Variants in STX5 observed in about 807,000 individuals in gnomAD.
STX5 encodes syntaxin-5.
STX5 carries 15 observed loss-of-function variants against 42.9 expected under a neutral mutation model. That is an observed-to-expected ratio of 0.35 (90% CI 0.23 to 0.54). STX5 has a LOEUF of 0.54. Ranked by LOEUF, STX5 falls within the 20% of genes least tolerant of loss-of-function variation. STX5 has a pLI of 0.91. For synonymous variants in STX5, 184 were observed against 173.2 expected (o/e 1.06, Z -0.49); for missense variants, 430 against 455.0 (o/e 0.95, Z 0.50).
chr11:62,822,536 A>G (rs1298605962), intron 10 of STX5, among the ~76,000 whole-genome samples: 3 of 152,046 alleles, frequency 2.0e-5, no homozygotes, highest in Non-Finnish European at 4.4e-5. Flanking sequence ...CTCATCAAAC[A>G]TATTGTCACC....
intron 10 of STX5, among the ~76,000 whole-genome samples, chr11:62,820,381 G>A (rs1291750231): frequency 6.6e-6 from 1 of 150,842 alleles, no homozygotes; most frequent in Non-Finnish European, 1.5e-5. Context: ...AAAAAAAAAA[G>A]GGCGGAATCT....
At position 62,808,122 on chromosome 11, in the gene STX5, CAG is replaced by C. The variant is rs535880068; in HGVS notation, c.909-496_909-495del. On this transcript the variant is annotated intron_variant, in intron 10 of 10. Coordinates refer to ENST00000294179, the MANE Select transcript of STX5 (RefSeq NM_003164.5). ...AAACATAATGACACGGACAGGAAAT[CAG>C]GGGATAAAAAAAGCTCTATGGCCAA... 7.0e-3 allele frequency: 1,100 copies of C among 156,102 alleles called. 8 individuals carry two copies. The highest frequency in any genetic ancestry group is 0.011 in the Non-Finnish European group (743 of 70,220). The allele number at this position is 156,102 out of a possible 1,614,324, so 9.7% of individuals were successfully genotyped here. A position where few individuals can be genotyped will look rare whatever the true frequency, so the allele number is the denominator to read the frequency against.
Position 62,815,460 on chromosome 11 carries a change from C to T in STX5, c.909-7832G>A, listed in dbSNP as rs1010766471. 1.1e-4 allele frequency among the ~76,000 whole-genome samples: 11 copies of T among 104,344 alleles called. No homozygotes were observed. In the East Asian group the frequency reaches 2.4e-3, roughly 23 times the overall value. 68.5% of individuals were successfully genotyped at this position (104,344 alleles called of 152,430 possible). On this transcript the variant is annotated intron_variant, in intron 10 of 10. Coordinates refer to ENST00000294179, the MANE Select transcript of STX5 (RefSeq NM_003164.5). ...TTTTATTTTTTGAGACAGAGTATCA[C>T]TCTGTTGTGACACTCACTGAATAAT...
intron 10 of STX5, among the ~76,000 whole-genome samples, chr11:62,811,066 T>C (rs1197302180): frequency 6.6e-6 from 1 of 152,150 alleles, no homozygotes; most frequent in East Asian, 1.9e-4. Context: ...TCTCTCTGCT[T>C]TCTTCTCTCA....
At chr11:62,830,326 G>T (rs1345800678) in intron 2 of STX5, 1 of 297,268 alleles carries the variant, frequency 3.4e-6, no homozygotes, top group East Asian at 8.3e-5. Flanking sequence ...ACAAATTACT[G>T]ATCTAGGGCC....
chr11:62,807,063 C>T lies in STX5; in HGVS notation c.*406G>A, dbSNP rs1227849115. On this transcript the variant is annotated 3_prime_UTR_variant, in exon 11 of 11. Transcript: ENST00000294179. ...AAAGAGGTCAATTGGGAAAATTGGT[C>T]CCTGGGGCTGCTTCCTCTCTTCACT... 3.1e-5 allele frequency: 5 copies of T among 161,610 alleles called. No homozygotes were observed. Among genetic ancestry groups the T allele is most frequent in the Non-Finnish European group, 6.9e-5 (5 of 72,812 alleles). The allele number at this position is 161,610 out of a possible 1,614,324, so 10.0% of individuals were successfully genotyped here. A position where few individuals can be genotyped will look rare whatever the true frequency, so the allele number is the denominator to read the frequency against.
chr11:62,831,689 T>C (rs1025151219), intron 1 of STX5, among the ~76,000 whole-genome samples: 3 of 152,078 alleles, frequency 2.0e-5, no homozygotes, highest in Admixed American at 6.5e-5. Context: ...GGAAAACCTC[T>C]GGGTGTTTAT....
intron 10 of STX5, among the ~76,000 whole-genome samples, chr11:62,818,852 A>G (rs2134830743): frequency 6.6e-6 from 1 of 151,402 alleles, no homozygotes; most frequent in African/African-American, 2.4e-5. Flanking sequence ...TCAGGAAAAA[A>G]TAAATAAAAA....
Position 62,825,534 on chromosome 11 carries a change from G to C in STX5, c.429C>G (p.Ile143Met). 1.2e-6 allele frequency: 2 copies of C among 1,613,450 alleles called. No homozygotes were observed. Among genetic ancestry groups the C allele is most frequent in the Non-Finnish European group, 1.7e-6 (2 of 1,180,020 alleles). The change falls in exon 6 of 11, where the codon ATC becomes ATG. Residue 143 changes from isoleucine to methionine, a missense_variant. Ile to Met is a conservative substitution (Grantham distance 10). Coordinates refer to ENST00000294179, the MANE Select transcript of STX5 (RefSeq NM_003164.5). ...EELTYIIKQDINSLNKQIAQL... is the reference protein window; with the variant it reads ...EELTYIIKQDMNSLNKQIAQL... ...GAGCAATTTGTTTGTTGAGGCTATTGATGTCCTGGTAAAAGAGTCCAAGGA... is the reference window on the plus strand; with the variant it reads ...GAGCAATTTGTTTGTTGAGGCTATTCATGTCCTGGTAAAAGAGTCCAAGGA...
At position 62,824,269 on chromosome 11, in the gene STX5, G is replaced by A. The variant is rs2084770343; in HGVS notation, c.805C>T (p.Arg269Trp). Residue 269 changes from arginine to tryptophan, a missense_variant, in exon 10 of 11, where the codon CGG becomes TGG. Coordinates refer to ENST00000294179, the MANE Select transcript of STX5 (RefSeq NM_003164.5). ...IDEQDSYIQS[R>W]ADTMQNIEST... is the part of the protein sequence containing the mutation. ...TCAATGTTCTGCATGGTGTCTGCCC[G>A]ACTCTGGATGTAGGAATCCTTCAGG... 6.2e-7 allele frequency: 1 copy of A among 1,614,036 alleles called. No homozygotes were observed. Among genetic ancestry groups the A allele is most frequent in the African/African-American group, 1.3e-5 (1 of 74,910 alleles).
chr11:62,807,410 C>A lies in STX5; in HGVS notation c.*59G>T. On this transcript the variant is annotated 3_prime_UTR_variant, in exon 11 of 11. Transcript: ENST00000294179. ...TGCACAGGCTCAGTGGCAGCACTGG[C>A]CACTTGCCTTCCCAGGAGGGTCCCA... 1.3e-6 allele frequency: 2 copies of A among 1,585,902 alleles called. No homozygotes were observed. Among genetic ancestry groups the A allele is most frequent in the South Asian group, 1.1e-5 (1 of 87,672 alleles).
chr11:62,823,735 C>T (rs1255241975), intron 10 of STX5, among the ~76,000 whole-genome samples: 1 of 151,998 alleles, frequency 6.6e-6, no homozygotes, highest in Non-Finnish European at 1.5e-5. Flanking sequence ...TTTGTAGAGA[C>T]AGGGTCTTGC....
At chr11:62,812,585 A>T (rs962470086) in intron 10 of STX5, among the ~76,000 whole-genome samples, 2 of 151,136 alleles carry the variant, frequency 1.3e-5, no homozygotes, top group Non-Finnish European at 2.9e-5. Context: ...CACCCGGCTA[A>T]TTTTTTTGTA....
At chr11:62,814,628 A>ATTT (rs59288995) in intron 10 of STX5, among the ~76,000 whole-genome samples, 4 of 136,554 alleles carry the variant, frequency 2.9e-5, no homozygotes, top group East Asian at 2.1e-4. Flanking sequence ...CGCTCAGCTA[A>ATTT]TTTTTTTTTT....
chr11:62,829,227 C>G (rs1426500220), intron 2 of STX5, among the ~76,000 whole-genome samples: 1 of 151,762 alleles, frequency 6.6e-6, no homozygotes, highest in Non-Finnish European at 1.5e-5. Flanking sequence ...GAGTTTGAGA[C>G]CAGCCTGACC....
At chr11:62,810,816 C>T (rs1565206813) in intron 10 of STX5, among the ~76,000 whole-genome samples, 2 of 152,160 alleles carry the variant, frequency 1.3e-5, no homozygotes, top group Non-Finnish European at 2.9e-5. Context: ...AAGATGGCAT[C>T]CTTTCATAAA....
At position 62,831,155 on chromosome 11, in the gene STX5, G is replaced by A. The variant is rs2084855362; in HGVS notation, c.89C>T (p.Thr30Ile). ...LSKTQVLSPA[T>I]AGSSSSDIAP... The stretch of plus-strand genomic sequence containing the variant: ...GATGTCGCTGCTGCTACTGCCAGCA[G>A]TTGCAGGGGACAGGACCTGTGTCTT... Residue 30 changes from threonine to isoleucine, a missense_variant, in exon 2 of 11, where the codon ACT becomes ATT. By Grantham distance (89) the Thr-to-Ile change is moderately conservative. Coordinates refer to ENST00000294179, the MANE Select transcript of STX5 (RefSeq NM_003164.5). The A allele has an allele frequency of 3.2e-6, 5 of 1,561,042 alleles. No individual in the cohort carries two copies. The highest frequency in any genetic ancestry group is 4.3e-6 in the Non-Finnish European group (5 of 1,152,178).
chr11:62,811,792 C>T (rs1337448666), intron 10 of STX5, among the ~76,000 whole-genome samples: 3 of 151,508 alleles, frequency 2.0e-5, no homozygotes, highest in African/African-American at 7.3e-5. Flanking sequence ...CAGCCTCATC[C>T]CCTTCTCTTC....
chr11:62,831,841 C>T (rs921400687), intron 1 of STX5, 113 bp downstream of exon 1: 2 of 450,790 alleles, frequency 4.4e-6, no homozygotes, highest in Non-Finnish European at 8.9e-6. Flanking sequence ...GCCGGGCCGG[C>T]AGGACTTGCC....
Sources: gnomAD v4.1 joint callset for allele counts (sites outside exome capture counted in the v4.1 genomes callset) on GRCh38, gnomAD v4.1.1 for gene constraint, MANE v1.5 for transcripts, NCBI Gene and HGNC (gene_info 2026-07-23, HGNC 2026-07-21) for gene names.